The following MUCL3 variants were observed in gnomAD, a reference collection of about 807,000 sequenced individuals.
The protein encoded by MUCL3 is mucin like 3.
MUCL3 carries 42 observed loss-of-function variants against 70.2 expected under a neutral mutation model. The ratio of observed to expected loss-of-function variants is 0.60; its 90% CI spans 0.47 to 0.77. The LOEUF is 0.77. Among genes scored for constraint, MUCL3 ranks in the 30% least tolerant of loss-of-function variants. The pLI is 0.00. For missense variants in MUCL3, 1,429 were observed against 1,670.0 expected, an observed-to-expected ratio of 0.86 and a Z score of 2.52; for synonymous variants, 522 against 647.0, an observed-to-expected ratio of 0.81 and a Z score of 2.93.
chr6:30,950,260 C>T lies in MUCL3; in HGVS notation c.1796C>T (p.Ala599Val), dbSNP rs1245713742. ...FANEKTTSSS[A>V]EPTEHEERTP... ...AATGAGAAGACCACATCATCCTCAG[C>T]AGAGCCTACAGAACACGAAGAAAGG... Residue 599 changes from alanine to valine, a missense_variant, in exon 2 of 3, where the codon GCA becomes GTA. By Grantham distance (64) the Ala-to-Val change is moderately conservative. Transcript: ENST00000462446. The T allele has an allele frequency of 1.9e-6, 3 of 1,551,168 alleles. No individual in the cohort carries two copies. The highest frequency in any genetic ancestry group is 1.7e-6 in the Non-Finnish European group (2 of 1,146,924).
At chr6:30,941,457 CTTTTTTTTTTTT>C (rs9278811) in intron 1 of MUCL3, among the ~76,000 whole-genome samples, 41 of 105,252 alleles carry the variant, frequency 3.9e-4, no homozygotes, top group Non-Finnish European at 7.9e-4. Context: ...TCTTCTTCTT[CTTTTTTTTTTTT>C]TTTTTTTTGA....
chr6:30,944,970 G>A (rs1051641006), intron 1 of MUCL3, among the ~76,000 whole-genome samples: 5 of 152,198 alleles, frequency 3.3e-5, no homozygotes, highest in African/African-American at 1.2e-4. Context: ...TTCCACAACT[G>A]TTTGATGCAG....
intron 1 of MUCL3, among the ~76,000 whole-genome samples, chr6:30,941,588 T>A (rs1249846468): frequency 6.7e-6 from 1 of 149,054 alleles, no homozygotes. Flanking sequence ...GTCTCCTGGG[T>A]AACTGGGATT....
At position 30,950,662 on chromosome 6, in the gene MUCL3, C is replaced by T. The variant is rs1760615649; in HGVS notation, c.2198C>T (p.Thr733Ile). 2 of 1,546,858 alleles carry T rather than the reference C, an allele frequency of 1.3e-6. No individual in the cohort carries two copies. The highest frequency in any genetic ancestry group is 2.5e-5 in the East Asian group (1 of 40,798). Residue 733 changes from threonine (T) to isoleucine (I), a missense_variant, in exon 2 of 3, where the codon ACC (threonine) becomes ATC (isoleucine). Thr to Ile is a moderately conservative substitution (Grantham distance 89). Coordinates refer to ENST00000462446, the MANE Select transcript of MUCL3 (RefSeq NM_080870.4). ...ENRERTANEK[T>I]TPFPAEPTEN... The stretch of plus-strand genomic sequence containing the variant: ...AGAGAAAGGACAGCCAATGAGAAGA[C>T]CACACCATTCCCAGCAGAGCCTACA...
chr6:30,947,344 T>C lies in MUCL3; in HGVS notation c.83-1203T>C, dbSNP rs1795820651. ...CCTCACACCCTTCTTGTCCTGCCCA[T>C]ATTTCTTTCAAGGACTAAGCTCCCC... On this transcript the variant is annotated intron_variant, in intron 1 of 2. Transcript: ENST00000462446. Among the ~76,000 whole-genome samples, 5 of 152,244 alleles carry C rather than the reference T, an allele frequency of 3.3e-5. No individual in the cohort carries two copies. In the South Asian group the frequency reaches 1.0e-3, roughly 32 times the overall value.
At position 30,951,259 on chromosome 6, in the gene MUCL3, A is replaced by G. The variant is rs763552575; in HGVS notation, c.2795A>G (p.Asn932Ser). ...TEHGERTPLA[N>S]EITTPSRAEP... ...CATGGAGAAAGGACCCCACTGGCCAATGAGATCACCACACCATCCCGAGCA... is the reference window on the plus strand; with the variant it reads ...CATGGAGAAAGGACCCCACTGGCCAGTGAGATCACCACACCATCCCGAGCA... Residue 932 changes from asparagine (N) to serine (S), a missense_variant, in exon 2 of 3, where the codon AAT (asparagine) becomes AGT (serine). Coordinates refer to ENST00000462446, the MANE Select transcript of MUCL3 (RefSeq NM_080870.4). The G allele has an allele frequency of 1.9e-6, 3 of 1,551,566 alleles. No individual in the cohort carries two copies. The Admixed American group carries it at 5.9e-5, about 30-fold the overall frequency.
Position 30,951,243 on chromosome 6 carries a change from A to G in MUCL3, c.2779A>G (p.Arg927Gly). The change falls in exon 2 of 3, where the codon AGG (arginine) becomes GGG (glycine). Residue 927 changes from arginine to glycine, a missense_variant. Coordinates refer to ENST00000462446, the MANE Select transcript of MUCL3 (RefSeq NM_080870.4). ...SSAEPTEHGE[R>G]TPLANEITTP... ...AGCAGAGCCTACAGAACATGGAGAA[A>G]GGACCCCACTGGCCAATGAGATCAC... is the stretch of plus-strand genomic sequence containing the variant. 6.4e-7 allele frequency: 1 copy of G among 1,551,716 alleles called. No homozygotes were observed. The highest frequency in any genetic ancestry group is 1.4e-5 in the African/African-American group (1 of 73,022).
rs1378981990 is a variant in MUCL3, at chr6:30,951,633, C to G, written c.3169C>G (p.Pro1057Ala). 1.9e-6 allele frequency: 3 copies of G among 1,548,058 alleles called. No individual in the cohort carries two copies. The East Asian group carries it at 7.3e-5, about 38-fold the overall frequency. ...MTPSANENTT[P>A]SPVKPTEHGE... Reference sequence around the variant, plus strand: ...CCCATCGGCCAATGAGAACACCACACCATCCCCAGTAAAGCCTACAGAACA... The same window carrying G: ...CCCATCGGCCAATGAGAACACCACAGCATCCCCAGTAAAGCCTACAGAACA... Residue 1057 changes from proline (P) to alanine (A), a missense_variant, in exon 2 of 3, where the codon CCA becomes GCA. Physicochemically the swap from Pro to Ala is conservative, Grantham distance 27. Transcript: ENST00000462446.
intron 1 of MUCL3, among the ~76,000 whole-genome samples, chr6:30,942,352 G>A (rs1795612846): frequency 6.6e-6 from 1 of 152,172 alleles, no homozygotes; most frequent in East Asian, 1.9e-4. Flanking sequence ...GGAGGGCCTG[G>A]GCAATTTGGA....
At chr6:30,946,681 A>G (rs1795795279) in intron 1 of MUCL3, among the ~76,000 whole-genome samples, 1 of 152,194 alleles carries the variant, frequency 6.6e-6, no homozygotes, top group Non-Finnish European at 1.5e-5. Flanking sequence ...CACACATGTC[A>G]GTGTCTTTCC....
chr6:30,953,488 G>A lies in MUCL3; in HGVS notation c.*371G>A. On this transcript the variant is annotated 3_prime_UTR_variant, in exon 3 of 3. Transcript: ENST00000462446. Reference sequence around the variant, plus strand: ...ATGCCCCAGACTGACTTGTGAGTGGGGTTTATGGGGAAAGGGAGGGACTGA... The same window carrying A: ...ATGCCCCAGACTGACTTGTGAGTGGAGTTTATGGGGAAAGGGAGGGACTGA... 1 of 252,888 alleles carries A rather than the reference G, an allele frequency of 4.0e-6. No homozygotes were observed. Among genetic ancestry groups the A allele is most frequent in the Non-Finnish European group, 7.6e-6 (1 of 131,752 alleles). 15.7% of individuals were successfully genotyped at this position (252,888 alleles called of 1,614,324 possible). A position where few individuals can be genotyped will look rare whatever the true frequency, so the allele number is the denominator to read the frequency against.
rs1339580157 is a variant in MUCL3 at position 30,954,099 on chromosome 6, C to G, written c.*982C>G. ...TGTGTGTTTTCTGGATTTTCTCTCTCTCTTCTTATGGCCATTTCACCTTAT... is the reference window on the plus strand; with the variant it reads ...TGTGTGTTTTCTGGATTTTCTCTCTGTCTTCTTATGGCCATTTCACCTTAT... On this transcript the variant is annotated 3_prime_UTR_variant, in exon 3 of 3. Coordinates refer to ENST00000462446, the MANE Select transcript of MUCL3 (RefSeq NM_080870.4). The surrounding 1 kb of genome is among the most constrained non-coding windows in gnomAD (Gnocchi z 4.4). The G allele has an allele frequency of 6.6e-6, 1 of 152,288 alleles. No individual in the cohort carries two copies. The highest frequency in any genetic ancestry group is 1.5e-5 in the Non-Finnish European group (1 of 68,072). 9.4% of individuals were successfully genotyped at this position (152,288 alleles called of 1,614,324 possible). A position where few individuals can be genotyped will look rare whatever the true frequency, so the allele number is the denominator to read the frequency against.
rs950256912 is a variant in MUCL3 at position 30,950,629 on chromosome 6, C to T, written c.2165C>T (p.Thr722Ile). The change falls in exon 2 of 3, where the codon ACA becomes ATA. Residue 722 changes from threonine (T) to isoleucine (I), a missense_variant. Physicochemically the swap from Thr to Ile is moderately conservative, Grantham distance 89 (BLOSUM62 -1). Coordinates refer to ENST00000462446, the MANE Select transcript of MUCL3 (RefSeq NM_080870.4). ...ENTTLSPAEP[T>I]ENRERTANEK... ...ACCACACTATCCCCAGCAGAGCCTA[C>T]AGAAAATAGAGAAAGGACAGCCAAT... 24 of 1,535,878 alleles carry T rather than the reference C, an allele frequency of 1.6e-5. No individual in the cohort carries two copies. Among genetic ancestry groups the T allele is most frequent in the African/African-American group, 2.8e-5 (2 of 72,162 alleles).
chr6:30,947,375 G>A (rs1050103015), intron 1 of MUCL3, among the ~76,000 whole-genome samples: 11 of 152,030 alleles, frequency 7.2e-5, no homozygotes, highest in African/African-American at 1.7e-4. Context: ...TCCCCAGGCC[G>A]ATTCTGCCCA....
chr6:30,946,662 C>T (rs1434438566), intron 1 of MUCL3, among the ~76,000 whole-genome samples: 1 of 152,156 alleles, frequency 6.6e-6, no homozygotes. Flanking sequence ...CAGCACCTTT[C>T]AGGGAGTCCA....
rs1403841461 is a variant in MUCL3, at chr6:30,950,003, A to G, written c.1539A>G (p.Thr513=). ...QRTPFANEKT[T]SSSAEPTEHG... The stretch of plus-strand genomic sequence containing the variant: ...CCCCATTTGCCAATGAGAAAACCAC[A>G]TCATCCTCAGCAGAGCCTACAGAAC... The change falls in exon 2 of 3, where the codon ACA becomes ACG. Residue 513 remains threonine, a synonymous_variant. Transcript: ENST00000462446. The G allele has an allele frequency of 6.5e-7, 1 of 1,544,964 alleles. No homozygotes were observed. Among genetic ancestry groups the G allele is most frequent in the African/African-American group, 1.4e-5 (1 of 70,338 alleles).
At chr6:30,941,171 G>A (rs933029959) in intron 1 of MUCL3, 90 bp downstream of exon 1, 6 of 1,445,816 alleles carry the variant, frequency 4.1e-6, no homozygotes, top group Admixed American at 4.0e-5. Flanking sequence ...GAATGAAGGG[G>A]GCGGGCACGG....
In MUCL3 at chr6:30,950,456, A is replaced by G; in HGVS notation, c.1992A>G (p.Arg664=). Residue 664 remains arginine (R), a synonymous_variant, in exon 2 of 3, where the codon AGA becomes AGG. Transcript: ENST00000462446. ...TLFPAEPTEN[R]ERTANEKTTS... ...TCCCAGCAGAGCCTACAGAAAATAGAGAAAGGACAGCCAATGAGAAGACCA... is the reference window on the plus strand; with the variant it reads ...TCCCAGCAGAGCCTACAGAAAATAGGGAAAGGACAGCCAATGAGAAGACCA... 6.5e-7 allele frequency: 1 copy of G among 1,550,144 alleles called. No homozygotes were observed. The highest frequency in any genetic ancestry group is 8.7e-7 in the Non-Finnish European group (1 of 1,146,718).
Position 30,951,861 on chromosome 6 carries a change from A to G in MUCL3, c.3397A>G (p.Thr1133Ala), listed in dbSNP as rs1760723355. ...AESTEHRDRATSANVITPAPA... is the reference protein window; with the variant it reads ...AESTEHRDRAASANVITPAPA... ...GTCTACAGAACATAGAGATAGGGCT[A>G]CATCAGCCAATGTGATCACACCAGC... Residue 1133 changes from threonine (T) to alanine (A), a missense_variant, in exon 2 of 3, where the codon ACA (threonine) becomes GCA (alanine). Physicochemically the swap from Thr to Ala is moderately conservative, Grantham distance 58 (BLOSUM62 0). Transcript: ENST00000462446. 1.2e-6 allele frequency: 2 copies of G among 1,607,688 alleles called. No individual in the cohort carries two copies. The highest frequency in any genetic ancestry group is 1.7e-5 in the Admixed American group (1 of 58,576).
Sources: allele counts gnomAD v4.1 joint callset (sites outside exome capture counted in the v4.1 genomes callset), GRCh38; gene constraint gnomAD v4.1.1; non-coding constraint Gnocchi (gnomAD v3.1); transcripts MANE v1.5; gene names NCBI Gene and HGNC (gene_info 2026-07-23, HGNC 2026-07-21).